Variants in FGF3 observed in about 807,000 individuals in gnomAD.
The protein encoded by FGF3 is fibroblast growth factor 3.
In FGF3, 7 loss-of-function variants were observed where a neutral mutation model predicts 9.8. The observed-to-expected ratio is 0.72, with a 90% CI of 0.41 to 1.35. The LOEUF (loss-of-function observed/expected upper bound fraction) is 1.35. Ranked by LOEUF, FGF3 falls within the 40% of genes most tolerant of loss-of-function variation. The pLI is 0.01. For synonymous variants in FGF3, 173 were observed against 157.2 expected (o/e 1.10, Z -0.75); for missense variants, 390 against 345.6 (o/e 1.13, Z -1.02).
rs782127374 is a variant in FGF3, at chr11:69,810,267, A to G, written c.*38T>C. The stretch of plus-strand genomic sequence containing the variant: ...AGAGTCAAGAGGCTGCCACGCCAAG[A>G]TGTCGCCAGGAGCTCTGGCGGTGGC... On this transcript the variant is annotated 3_prime_UTR_variant, in exon 3 of 3. Coordinates refer to ENST00000334134, the MANE Select transcript of FGF3 (RefSeq NM_005247.4). 2 of 1,517,024 alleles carry G rather than the reference A, an allele frequency of 1.3e-6. No individual in the cohort carries two copies. Among genetic ancestry groups the G allele is most frequent in the Non-Finnish European group, 1.8e-6 (2 of 1,125,224 alleles). The allele number at this position is 1,517,024 out of a possible 1,614,324, so 94.0% of individuals were successfully genotyped here.
Position 69,810,053 on chromosome 11 carries a change from G to A in FGF3, c.*252C>T. 2.1e-6 allele frequency: 1 copy of A among 465,722 alleles called. No individual in the cohort carries two copies. Among genetic ancestry groups the A allele is most frequent in the Non-Finnish European group, 3.8e-6 (1 of 264,464 alleles). 28.8% of individuals were successfully genotyped at this position (465,722 alleles called of 1,614,324 possible). On this transcript the variant is annotated 3_prime_UTR_variant, in exon 3 of 3. Coordinates refer to ENST00000334134, the MANE Select transcript of FGF3 (RefSeq NM_005247.4). ...GGAGGCTCCTCAGTCTGCCAGGGCT[G>A]GCACTCAGGCCCTTCCCTGCCGGCT...
rs113473565 is a variant in FGF3 at position 69,810,461 on chromosome 11, G to T, written c.564C>A (p.His188Gln). 1 of 1,602,264 alleles carries T rather than the reference G, an allele frequency of 6.2e-7. No homozygotes were observed. Among genetic ancestry groups the T allele is most frequent in the South Asian group, 1.1e-5 (1 of 89,532 alleles). The change falls in exon 3 of 3, where the codon CAC (histidine) becomes CAA (glutamine). Residue 188 changes from histidine (H) to glutamine (Q), a missense_variant. Physicochemically the swap from His to Gln is conservative, Grantham distance 24. Transcript: ENST00000334134. ...FLPRVLDHRD[H>Q]EMVRQLQSGL... ...CACTCTGTAGCTGCCGCACCATCTCGTGGTCCCTGTGGTCCAGCACGCGGG... is the reference window on the plus strand; with the variant it reads ...CACTCTGTAGCTGCCGCACCATCTCTTGGTCCCTGTGGTCCAGCACGCGGG...
chr11:69,816,492 C>G, intron 1 of FGF3, 69 bp from the exon 2 acceptor site: 1 of 1,236,402 alleles, frequency 8.1e-7, no homozygotes, highest in East Asian at 2.3e-5. Context: ...CCAGCTGGCC[C>G]TGCCCAAAGC....
chr11:69,815,650 T>C (rs554079936), intron 2 of FGF3, among the ~76,000 whole-genome samples: 26 of 152,156 alleles, frequency 1.7e-4, no homozygotes, highest in Admixed American at 1.2e-3. Context: ...TAGTTGGAGG[T>C]AGCAAATTTC....
intron 2 of FGF3, among the ~76,000 whole-genome samples, chr11:69,813,973 A>G (rs1554980817): frequency 6.6e-6 from 1 of 151,302 alleles, no homozygotes; most frequent in Non-Finnish European, 1.5e-5. Context: ...GATGGGTGAA[A>G]GGATGGAAGG....
chr11:69,815,238 GTGGA>G (rs1353827980), intron 2 of FGF3, among the ~76,000 whole-genome samples: 1 of 149,504 alleles, frequency 6.7e-6, no homozygotes, highest in Non-Finnish European at 1.5e-5. Flanking sequence ...GGAAGGATGG[GTGGA>G]TGGGTGGATG....
intron 2 of FGF3, among the ~76,000 whole-genome samples, chr11:69,811,697 G>A (rs1015507882): frequency 6.6e-6 from 1 of 152,122 alleles, no homozygotes; most frequent in Non-Finnish European, 1.5e-5. Flanking sequence ...GGCCTGGCAT[G>A]AGGCACATGA....
At position 69,813,695 on chromosome 11, in the gene FGF3, GAT is replaced by G. The variant is rs1554980728; in HGVS notation, c.324+2623_324+2624del. 4.2e-4 allele frequency among the ~76,000 whole-genome samples: 58 copies of G among 137,418 alleles called. 2 individuals are homozygous for G. The highest frequency in any genetic ancestry group is 4.0e-3 in the Middle Eastern group (1 of 252). The allele number at this position is 137,418 out of a possible 152,430, so 90.2% of individuals were successfully genotyped here. On this transcript the variant is annotated intron_variant, in intron 2 of 2. Coordinates refer to ENST00000334134, the MANE Select transcript of FGF3 (RefSeq NM_005247.4). Reference sequence around the variant, plus strand: ...GGCTGGATGGATGGATGGGTGGATGGATGGATAGGTGGATGGATGGATAGGTG... The same window carrying G: ...GGCTGGATGGATGGATGGGTGGATGGGGATAGGTGGATGGATGGATAGGTG...
chr11:69,813,872 G>GATGGATGGATGGA (rs1856081562), intron 2 of FGF3, among the ~76,000 whole-genome samples: 2 of 123,954 alleles, frequency 1.6e-5, no homozygotes, highest in African/African-American at 3.1e-5. Context: ...GGATGGATAG[G>GATGGATGGATGGA]TGGATGGATG....
intron 2 of FGF3, among the ~76,000 whole-genome samples, chr11:69,814,240 G>T (rs530353796): frequency 2.0e-5 from 3 of 152,054 alleles, no homozygotes; most frequent in Non-Finnish European, 4.4e-5. Context: ...CTTTTAAGGC[G>T]TGCTCTCAGG....
chr11:69,818,588 G>A, intron 1 of FGF3, 126 bp downstream of exon 1: 1 of 625,808 alleles, frequency 1.6e-6, no homozygotes, highest in Non-Finnish European at 2.4e-6. Flanking sequence ...GGCGCACCAT[G>A]CCTTCTCCCG....
At position 69,810,124 on chromosome 11, in the gene FGF3, C is replaced by T; in HGVS notation, c.*181G>A. 1.7e-6 allele frequency: 1 copy of T among 603,644 alleles called. No individual in the cohort carries two copies. The highest frequency in any genetic ancestry group is 2.8e-6 in the Non-Finnish European group (1 of 359,848). The allele number at this position is 603,644 out of a possible 1,614,324, so 37.4% of individuals were successfully genotyped here. A position where few individuals can be genotyped will look rare whatever the true frequency, so the allele number is the denominator to read the frequency against. On this transcript the variant is annotated 3_prime_UTR_variant, in exon 3 of 3. Transcript: ENST00000334134. ...AATGCCCTGCATTGCAGGCAGCCCC[C>T]TCCGAGCTCCGACTTGGGCCCTCTT...
intron 2 of FGF3, among the ~76,000 whole-genome samples, chr11:69,814,095 G>A (rs868909575): frequency 2.2e-4 from 33 of 151,996 alleles, no homozygotes; most frequent in African/African-American, 7.7e-4. Context: ...GGAAGGAGAG[G>A]TGTATGGACA....
At chr11:69,813,804 ATGGGTGGATGGG>A (rs1239433224) in intron 2 of FGF3, among the ~76,000 whole-genome samples, 71 of 54,804 alleles carry the variant, frequency 1.3e-3, no homozygotes, top group African/African-American at 4.1e-3. Flanking sequence ...GGATGGATGG[ATGGGTGGATGGG>A]TGGATGGGTG....
rs1856197105 is a variant in FGF3, at chr11:69,819,108, A to C, written c.-175T>G. 2.2e-6 allele frequency: 1 copy of C among 449,178 alleles called. No homozygotes were observed. Among genetic ancestry groups the C allele is most frequent in the Admixed American group, 4.5e-5 (1 of 22,364 alleles). 27.8% of individuals were successfully genotyped at this position (449,178 alleles called of 1,614,324 possible). The stretch of plus-strand genomic sequence containing the variant: ...GAAGGGGGAAGGGTGGGCGAGAGAG[A>C]GAAAGAGAGGGAGAGTGGGAGAGGG... On this transcript the variant is annotated 5_prime_UTR_variant, in exon 1 of 3. Transcript: ENST00000334134.
chr11:69,810,104 C>A lies in FGF3; in HGVS notation c.*201G>T. On this transcript the variant is annotated 3_prime_UTR_variant, in exon 3 of 3. Coordinates refer to ENST00000334134, the MANE Select transcript of FGF3 (RefSeq NM_005247.4). Reference sequence around the variant, plus strand: ...TCCTGCCACACAGACCCACAAATGCCCTGCATTGCAGGCAGCCCCCTCCGA... The same window carrying A: ...TCCTGCCACACAGACCCACAAATGCACTGCATTGCAGGCAGCCCCCTCCGA... 1 of 556,418 alleles carries A rather than the reference C, an allele frequency of 1.8e-6. No individual in the cohort carries two copies. Among genetic ancestry groups the A allele is most frequent in the South Asian group, 2.8e-5 (1 of 36,052 alleles). 34.5% of individuals were successfully genotyped at this position (556,418 alleles called of 1,614,324 possible). A position where few individuals can be genotyped will look rare whatever the true frequency, so the allele number is the denominator to read the frequency against.
chr11:69,813,652 A>ATGGGAGGATGGC (rs1554980701), intron 2 of FGF3, among the ~76,000 whole-genome samples: 4 of 129,530 alleles, frequency 3.1e-5, no homozygotes, highest in African/African-American at 8.9e-5. Flanking sequence ...GGATGGGTGG[A>ATGGGAGGATGGC]TGGATGGATG....
intron 2 of FGF3, among the ~76,000 whole-genome samples, chr11:69,813,632 A>AC (rs1856064683): frequency 9.3e-6 from 1 of 108,106 alleles, no homozygotes; most frequent in Non-Finnish European, 2.0e-5. Flanking sequence ...GGATGGATGG[A>AC]TGGATGGGTG....
chr11:69,810,222 AG>A lies in FGF3; in HGVS notation c.*82del. On this transcript the variant is annotated 3_prime_UTR_variant, in exon 3 of 3. Transcript: ENST00000334134. ...AACCCAGACGCGGGACGCAGGGGCA[AG>A]GGCTCAAGGAGGAGAGTCAGAGTCA... 7.6e-7 allele frequency: 1 copy of A among 1,318,624 alleles called. No homozygotes were observed. The highest frequency in any genetic ancestry group is 1.0e-6 in the Non-Finnish European group (1 of 976,638). The allele number at this position is 1,318,624 out of a possible 1,614,324, so 81.7% of individuals were successfully genotyped here.
Sources: gnomAD v4.1 joint callset for allele counts (sites outside exome capture counted in the v4.1 genomes callset) on GRCh38, gnomAD v4.1.1 for gene constraint, MANE v1.5 for transcripts, NCBI Gene and HGNC (gene_info 2026-07-23, HGNC 2026-07-21) for gene names.